LPAR6: variants seen among roughly 807,000 people sequenced by gnomAD.
The protein encoded by LPAR6 is G-protein coupled purinergic receptor P2Y5.
In LPAR6, 17 loss-of-function variants were observed where a neutral mutation model predicts 22.0. That is an observed-to-expected ratio of 0.77 (90% confidence interval 0.53 to 1.16). LPAR6 has a LOEUF of 1.16. Among genes scored for constraint, LPAR6 ranks in the 50% most tolerant of loss-of-function variants. The pLI, the probability that LPAR6 is intolerant of heterozygous loss-of-function variation, is 0.00. For missense variants in LPAR6, 384 were observed against 406.9 expected, an observed-to-expected ratio of 0.94 and a Z score of 0.48; for synonymous variants, 136 against 139.8, an observed-to-expected ratio of 0.97 and a Z score of 0.19.
At chr13:48,439,668 A>G (rs960548690) in intron 1 of LPAR6, 5 of 152,176 alleles carry the variant, frequency 3.3e-5, no homozygotes, top group Non-Finnish European at 1.5e-5. Context: ...TCTGTCAGCT[A>G]TTGAATGTGT....
At chr13:48,418,329 G>A (rs1566217078) in intron 2 of LPAR6, among the ~76,000 whole-genome samples, 1 of 152,154 alleles carries the variant, frequency 6.6e-6, no homozygotes, top group Non-Finnish European at 1.5e-5. Flanking sequence ...ATAAGCAAAT[G>A]TTGAGAGATT....
intron 1 of LPAR6, among the ~76,000 whole-genome samples, chr13:48,393,886 C>T (rs1948629011): frequency 6.6e-6 from 1 of 152,142 alleles, no homozygotes; most frequent in African/African-American, 2.4e-5. Flanking sequence ...CAAATATTAG[C>T]AAATTTCTTC....
chr13:48,423,237 T>C (rs1263748136), intron 1 of LPAR6, among the ~76,000 whole-genome samples: 2 of 152,220 alleles, frequency 1.3e-5, no homozygotes, highest in South Asian at 2.1e-4. Flanking sequence ...TTGAATACTT[T>C]CACTGCTTAA....
intron 1 of LPAR6, among the ~76,000 whole-genome samples, chr13:48,425,138 T>G (rs1426617091): frequency 1.3e-5 from 2 of 152,174 alleles, no homozygotes; most frequent in Admixed American, 1.3e-4. Flanking sequence ...CACATAGACA[T>G]GAGAATCTAC....
intron 1 of LPAR6, among the ~76,000 whole-genome samples, chr13:48,392,786 G>A (rs549267182): frequency 1.3e-5 from 2 of 151,624 alleles, no homozygotes; most frequent in African/African-American, 4.8e-5. Flanking sequence ...AGAGTCGTAT[G>A]TTTCTGCTTT....
At chr13:48,410,822 C>T (rs1365702919), downstream of LPAR6, among the ~76,000 whole-genome samples, 1 of 152,240 alleles carries the variant, frequency 6.6e-6, no homozygotes, top group East Asian at 1.9e-4. Flanking sequence ...CAATGTGTTA[C>T]TGCTCAAGAT....
At chr13:48,436,340 T>C (rs1949183116) in intron 1 of LPAR6, among the ~76,000 whole-genome samples, 1 of 152,154 alleles carries the variant, frequency 6.6e-6, no homozygotes, top group African/African-American at 2.4e-5. Context: ...AGGAATAATA[T>C]AGATATAGTT....
upstream of LPAR6, among the ~76,000 whole-genome samples, chr13:48,427,107 C>T (rs183591587): frequency 4.6e-5 from 7 of 152,346 alleles, no homozygotes; most frequent in East Asian, 1.9e-4. Flanking sequence ...ATCCACCCCC[C>T]TGATGTAGTC....
chr13:48,402,830 G>C (rs1783894313), intron 1 of LPAR6, among the ~76,000 whole-genome samples: 1 of 152,054 alleles, frequency 6.6e-6, no homozygotes, highest in Admixed American at 6.6e-5. Context: ...ATAAAGTATA[G>C]TAATTTTTGT....
At chr13:48,392,487 GTCT>G (rs1354448814) in intron 1 of LPAR6, among the ~76,000 whole-genome samples, 10 of 152,008 alleles carry the variant, frequency 6.6e-5, no homozygotes. Context: ...CTAAAGCTAT[GTCT>G]TCAAGTTTAT....
intron 1 of LPAR6, chr13:48,424,193 A>T (rs150918545): frequency 6.6e-6 from 1 of 152,566 alleles, no homozygotes; most frequent in African/African-American, 2.4e-5. Flanking sequence ...TTGACAGAAT[A>T]TATTTATTTT....
rs192756681 is a variant in LPAR6, at chr13:48,395,387, T to A, written n.115-5575A>T. Among the ~76,000 whole-genome samples, 36 of 152,108 alleles carry A rather than the reference T, an allele frequency of 2.4e-4. 1 individual carries two copies. In the East Asian group the frequency reaches 6.8e-3, roughly 29 times the overall value. On this transcript the variant is annotated intron_variant and non_coding_transcript_variant, in intron 1 of 1. Coordinates refer to the LPAR6 transcript ENST00000462781. ...TCCCCAGCAAGGGGAGTTTGACGAATTGACAGAAGTAGGCTTCAGAAGGTG... is the reference window on the plus strand; with the variant it reads ...TCCCCAGCAAGGGGAGTTTGACGAAATGACAGAAGTAGGCTTCAGAAGGTG...
upstream of LPAR6, among the ~76,000 whole-genome samples, chr13:48,414,896 G>A (rs1211118200): frequency 1.3e-5 from 2 of 152,092 alleles, no homozygotes; most frequent in East Asian, 3.8e-4. Context: ...TTAGAAGGCT[G>A]GTAGAAGCTG....
At chr13:48,410,211 A>G (rs1948781258), downstream of LPAR6, among the ~76,000 whole-genome samples, 1 of 152,244 alleles carries the variant, frequency 6.6e-6, no homozygotes, top group South Asian at 2.1e-4. Context: ...CAATGACCGC[A>G]TAAACGATGG....
chr13:48,425,505 C>T (rs765455011), intron 1 of LPAR6, among the ~76,000 whole-genome samples: 14 of 152,082 alleles, frequency 9.2e-5, no homozygotes, highest in African/African-American at 2.2e-4. Context: ...CTAGTTTAGA[C>T]GCTGCAAAGT....
At chr13:48,399,646 G>A (rs1948675399) in intron 1 of LPAR6, among the ~76,000 whole-genome samples, 1 of 151,944 alleles carries the variant, frequency 6.6e-6, no homozygotes, top group Admixed American at 6.6e-5. Context: ...ACAACAATAA[G>A]AAAATCTAAA....
chr13:48,443,804 T>A (rs778515504), intron 1 of LPAR6, among the ~76,000 whole-genome samples: 15 of 152,224 alleles, frequency 9.9e-5, no homozygotes, highest in Non-Finnish European at 2.2e-4. Context: ...ATTGCTTATA[T>A]ACATTTTTTT....
downstream of LPAR6, among the ~76,000 whole-genome samples, chr13:48,410,190 A>G (rs1411615443): frequency 1.3e-5 from 2 of 152,252 alleles, no homozygotes; most frequent in Non-Finnish European, 2.9e-5. Flanking sequence ...ATCACGTAAT[A>G]GCATTTTGGT....
rs1461266668 is a variant in LPAR6 at position 48,412,679 on chromosome 13, GC to G, written c.-257del. Reference sequence around the variant, plus strand: ...CTTTAGAAAATCCATGAATTCCAAGGCTCAGTTAACTGACGAGCAACCTTTA... The same window carrying G: ...CTTTAGAAAATCCATGAATTCCAAGGTCAGTTAACTGACGAGCAACCTTTA... On this transcript the variant is annotated 5_prime_UTR_variant, in exon 1 of 1. Transcript: ENST00000620633. 1.9e-6 allele frequency: 1 copy of G among 523,790 alleles called. No homozygotes were observed. The highest frequency in any genetic ancestry group is 3.3e-5 in the Admixed American group (1 of 30,424). 32.4% of individuals were successfully genotyped at this position (523,790 alleles called of 1,614,324 possible).
Sources: allele counts gnomAD v4.1 joint callset (sites outside exome capture counted in the v4.1 genomes callset), GRCh38; gene constraint gnomAD v4.1.1; transcripts MANE v1.5; gene names NCBI Gene and HGNC (gene_info 2026-07-23, HGNC 2026-07-21).